The following ENTREP2 variants were observed in gnomAD, a reference collection of about 807,000 sequenced individuals.
The protein encoded by ENTREP2 is endosomal transmembrane epsin interactor 2.
At chr15:29,374,748 T>C in the ENTREP2 span, 1 of 152,208 alleles carries the variant, frequency 6.6e-6, no homozygotes, top group Non-Finnish European at 1.5e-5. Context: ...GTGATTTTTT[T>C]CCATATTTTT....
chr15:29,295,491 C>A, the ENTREP2 span, among the ~76,000 whole-genome samples: 2 of 152,190 alleles, frequency 1.3e-5, no homozygotes, highest in East Asian at 3.8e-4. Flanking sequence ...ATCCTAAGAC[C>A]CCCAGTGGAT....
At chr15:29,664,158 A>G in the ENTREP2 span, among the ~76,000 whole-genome samples, 1 of 152,082 alleles carries the variant, frequency 6.6e-6, no homozygotes, top group Admixed American at 6.5e-5. Context: ...TAAGTGCCTC[A>G]TTTTCTCAAT....
At chr15:29,494,642 G>A in the ENTREP2 span, among the ~76,000 whole-genome samples, 2,058 of 152,186 alleles carry the variant, frequency 0.014, 38 homozygotes, top group African/African-American at 0.047. Context: ...AAGTTTGTTC[G>A]CTTTGACCAA....
the ENTREP2 span, among the ~76,000 whole-genome samples, chr15:29,134,850 GC>G: frequency 6.6e-6 from 1 of 152,192 alleles, no homozygotes; most frequent in African/African-American, 2.4e-5. Context: ...GACAGGGAGA[GC>G]ATTGGGGGTG....
chr15:29,551,251 C>T, the ENTREP2 span, among the ~76,000 whole-genome samples: 3 of 152,078 alleles, frequency 2.0e-5, no homozygotes, highest in Non-Finnish European at 4.4e-5. Context: ...AGCAGTGTGA[C>T]GTAGTGGGCA....
chr15:29,158,062 C>A, the ENTREP2 span, among the ~76,000 whole-genome samples: 1 of 152,166 alleles, frequency 6.6e-6, no homozygotes, highest in Non-Finnish European at 1.5e-5. Context: ...ATAAGCAATA[C>A]CTTTACTTTG....
the ENTREP2 span, among the ~76,000 whole-genome samples, chr15:29,636,270 C>T: frequency 5.3e-5 from 8 of 152,302 alleles, no homozygotes; most frequent in African/African-American, 1.4e-4. Context: ...TTCCTCACGT[C>T]GCAACTGTTG....
the ENTREP2 span, among the ~76,000 whole-genome samples, chr15:29,545,979 G>A: frequency 6.6e-6 from 1 of 152,182 alleles, no homozygotes; most frequent in South Asian, 2.1e-4. Flanking sequence ...ATCACCACTA[G>A]ACATTTAAAT....
chr15:29,429,809 C>T, the ENTREP2 span, among the ~76,000 whole-genome samples: 9 of 152,148 alleles, frequency 5.9e-5, no homozygotes, highest in South Asian at 1.0e-3. Context: ...CGATCCGGGC[C>T]GGCGTGAGGG....
the ENTREP2 span, among the ~76,000 whole-genome samples, chr15:29,559,324 T>C: frequency 3.3e-5 from 5 of 152,086 alleles, no homozygotes; most frequent in Non-Finnish European, 5.9e-5. Flanking sequence ...CAGGCCTGTG[T>C]GCAAGGTGAC....
At chr15:29,333,059 G>A in the ENTREP2 span, among the ~76,000 whole-genome samples, 3 of 151,872 alleles carry the variant, frequency 2.0e-5, no homozygotes, top group African/African-American at 7.3e-5. Flanking sequence ...AGGGGTGACT[G>A]GCAGAAACTG....
the ENTREP2 span, among the ~76,000 whole-genome samples, chr15:29,605,397 C>T: frequency 3.7e-3 from 560 of 152,244 alleles, no homozygotes; most frequent in African/African-American, 0.013. Flanking sequence ...ACACAAATAC[C>T]TCCTCTATGT....
chr15:29,409,105 T>C, the ENTREP2 span, among the ~76,000 whole-genome samples: 2 of 152,230 alleles, frequency 1.3e-5, no homozygotes, highest in African/African-American at 4.8e-5. Flanking sequence ...GCTTAGGAAT[T>C]TGTTATGTGC....
At chr15:29,136,056 T>C in the ENTREP2 span, among the ~76,000 whole-genome samples, 1 of 152,164 alleles carries the variant, frequency 6.6e-6, no homozygotes, top group Non-Finnish European at 1.5e-5. Context: ...GAAATGGAAC[T>C]GGGGATCTAA....
the ENTREP2 span, among the ~76,000 whole-genome samples, chr15:29,469,263 G>A: frequency 1.3e-5 from 2 of 152,202 alleles, no homozygotes; most frequent in Non-Finnish European, 2.9e-5. Flanking sequence ...ACAGTGGCGT[G>A]ATCTGGGCTC....
the ENTREP2 span, among the ~76,000 whole-genome samples, chr15:29,185,555 C>T: frequency 1.3e-5 from 2 of 152,100 alleles, no homozygotes; most frequent in African/African-American, 4.8e-5. Context: ...GCCCCTTCTT[C>T]CCATGGTCCC....
At chr15:29,321,221 C>T in the ENTREP2 span, among the ~76,000 whole-genome samples, 51 of 152,018 alleles carry the variant, frequency 3.4e-4, no homozygotes, top group Non-Finnish European at 6.0e-4. Flanking sequence ...AACACCTTAC[C>T]ATAGATGAAC....
At chr15:29,672,009 C>T in the ENTREP2 span, among the ~76,000 whole-genome samples, 5 of 152,144 alleles carry the variant, frequency 3.3e-5, no homozygotes, top group Non-Finnish European at 7.4e-5. Flanking sequence ...TTGTTTGAAA[C>T]AGCATCTCAC....
At chr15:29,189,253 C>T in the ENTREP2 span, among the ~76,000 whole-genome samples, 2 of 152,070 alleles carry the variant, frequency 1.3e-5, no homozygotes, top group African/African-American at 4.8e-5. Flanking sequence ...TGGGATCCAA[C>T]GCTGTCTCCA....
Sources: gnomAD v4.1 joint callset for allele counts (sites outside exome capture counted in the v4.1 genomes callset) on GRCh38, gnomAD v4.1.1 for gene constraint, MANE v1.5 for transcripts, NCBI Gene and HGNC (gene_info 2026-07-23, HGNC 2026-07-21) for gene names.